The following NOL6 variants were observed in gnomAD, a reference collection of about 807,000 sequenced individuals.
NOL6 encodes nucleolar protein 6, also known as nucleolar RNA-associated protein.
Under a neutral mutation model 131.7 loss-of-function variants are expected in NOL6, and 33 were observed. The ratio of observed to expected loss-of-function variants is 0.25; its 90% CI spans 0.19 to 0.33. NOL6 has a LOEUF of 0.33. NOL6 is among the 10% of genes least tolerant of loss of function. The pLI, the probability that NOL6 is intolerant of heterozygous loss-of-function variation, is 1.00. For synonymous variants in NOL6, 580 were observed against 605.7 expected (o/e 0.96, Z 0.62); for missense variants, 1,297 against 1,494.5 (o/e 0.87, Z 2.18).
intron 19 of NOL6, 146 bp from the exon 20 acceptor site, chr9:33,465,505 G>T: frequency 1.8e-6 from 2 of 1,136,196 alleles, no homozygotes; most frequent in Non-Finnish European, 2.5e-6. Context: ...GTTGACCCTA[G>T]TGTTATTTCC....
chr9:33,469,984 C>T (rs1226580283), intron 4 of NOL6, 28 bp downstream of exon 4: 1 of 1,526,696 alleles, frequency 6.6e-7, no homozygotes, highest in East Asian at 2.3e-5. Context: ...AGGTGGTGGG[C>T]CTCTATCCCC....
intron 23 of NOL6, 66 bp downstream of exon 23, chr9:33,463,765 T>G (rs1048066347): frequency 5.2e-6 from 8 of 1,539,934 alleles, no homozygotes; most frequent in Non-Finnish European, 6.3e-6. Flanking sequence ...GTGAGATCCC[T>G]GAACGCTGAA....
At position 33,468,805 on chromosome 9, in the gene NOL6, A is replaced by G. The variant is rs139300727; in HGVS notation, c.1094T>C (p.Ile365Thr). The change falls in exon 8 of 26, where the codon ATC becomes ACC. Residue 365 changes from isoleucine to threonine, a missense_variant. Physicochemically the swap from Ile to Thr is moderately conservative, Grantham distance 89. Coordinates refer to ENST00000297990, the MANE Select transcript of NOL6 (RefSeq NM_022917.5). ...CTGGTAGCCACTCATGGTGGTATGG[A>G]TCTTGCGTGTAGACACAAGGAAGAC... is the stretch of plus-strand genomic sequence containing the variant. The part of the protein sequence containing the change: ...LVVFLVSTRK[I>T]HTTMSGYQVL... 2 of 1,614,048 alleles carry G rather than the reference A, an allele frequency of 1.2e-6. No homozygotes were observed. The highest frequency in any genetic ancestry group is 1.7e-6 in the Non-Finnish European group (2 of 1,180,030).
chr9:33,463,352 C>G lies in NOL6; in HGVS notation c.3084G>C (p.Ser1028=), dbSNP rs768420624. 1.2e-6 allele frequency: 2 copies of G among 1,613,934 alleles called. No homozygotes were observed. Among genetic ancestry groups the G allele is most frequent in the Non-Finnish European group, 1.7e-6 (2 of 1,179,954 alleles). Residue 1028 remains serine (S), a synonymous_variant, in exon 24 of 26, where the codon TCG becomes TCC. Coordinates refer to ENST00000297990, the MANE Select transcript of NOL6 (RefSeq NM_022917.5). ...GGCCCCGGCAGAAGGAGGCAGCTGG[C>G]GAGTCCACAGCCTGGCGGTGCCGCG... The part of the protein sequence containing the change: ...HIPRHRQAVD[S]PAASFCRGLL...
rs1447352049 is a variant in NOL6, at chr9:33,463,838, T to C, written c.2987A>G (p.Asp996Gly). 1.2e-6 allele frequency: 2 copies of C among 1,613,852 alleles called. No homozygotes were observed. The highest frequency in any genetic ancestry group is 1.7e-6 in the Non-Finnish European group (2 of 1,179,964). Reference sequence around the variant, plus strand: ...TGCTGGTCAGAAGCTTACCCTGATGTCCCCAGGTCCCCGGGGATCCATGAG... The same window carrying C: ...TGCTGGTCAGAAGCTTACCCTGATGCCCCCAGGTCCCCGGGGATCCATGAG... ...KQLMDPRGPG[D>G]IRTVFRPPLD... Residue 996 changes from aspartate (D) to glycine (G), a missense_variant, in exon 23 of 26, where the codon GAC (aspartate) becomes GGC (glycine). Physicochemically the swap from Asp to Gly is moderately conservative, Grantham distance 94. Transcript: ENST00000297990.
rs2119022159 is a variant in NOL6, at chr9:33,468,064, T to C, written c.1390A>G (p.Lys464Glu). The stretch of plus-strand genomic sequence containing the variant: ...TGGTCAAAAGCCCGGATCATGGGTT[T>C]GGGAGTCATCAACAGCAGGTGGAAC... ...DGFHLLLMTP[K>E]PMIRAFDHVL... Residue 464 changes from lysine to glutamate, a missense_variant, in exon 11 of 26, where the codon AAA becomes GAA. Coordinates refer to ENST00000297990, the MANE Select transcript of NOL6 (RefSeq NM_022917.5). 5.0e-6 allele frequency: 8 copies of C among 1,614,118 alleles called. No homozygotes were observed. The highest frequency in any genetic ancestry group is 6.8e-6 in the Non-Finnish European group (8 of 1,180,014).
chr9:33,467,987 AG>A lies in NOL6; in HGVS notation c.1424+42del. On this transcript the variant is annotated intron_variant, in intron 11 of 25. Coordinates refer to ENST00000297990, the MANE Select transcript of NOL6 (RefSeq NM_022917.5). This position sits in a 1 kb window ranked among gnomAD's most constrained non-coding sequence, Gnocchi z 4.4. ...CTTTGCCCCACCACTGTAGCCCCGA[AG>A]AGACAGGACCCGCCAACATACCCTG... is the stretch of plus-strand genomic sequence containing the variant. 6.2e-7 allele frequency: 1 copy of A among 1,613,690 alleles called. No homozygotes were observed. Among genetic ancestry groups the A allele is most frequent in the Non-Finnish European group, 8.5e-7 (1 of 1,179,772 alleles).
rs756861629 is a variant in NOL6 at position 33,466,934 on chromosome 9, G to A, written c.1928C>T (p.Ala643Val). The A allele has an allele frequency of 6.2e-7, 1 of 1,614,142 alleles. No individual in the cohort carries two copies. Among genetic ancestry groups the A allele is most frequent in the South Asian group, 1.1e-5 (1 of 91,058 alleles). The change falls in exon 15 of 26, where the codon GCA becomes GTA. Residue 643 changes from alanine to valine, a missense_variant. Transcript: ENST00000297990. ...CVHYVGGPLD[A>V]LIQGLKETSS... ...TACCTCTTTCAGGCCTTGGATAAGT[G>A]CATCCAGGGGGCCCCCCACATAGTG... is the stretch of plus-strand genomic sequence containing the variant.
At chr9:33,463,189 C>T in intron 24 of NOL6, 55 bp from the exon 25 acceptor site, 3 of 1,609,482 alleles carry the variant, frequency 1.9e-6, no homozygotes, top group African/African-American at 1.3e-5. Flanking sequence ...AGCTCCTCCA[C>T]AGCCTCAGCT....
intron 1 of NOL6, chr9:33,472,634 C>G (rs1169279771): frequency 6.9e-6 from 4 of 578,290 alleles, no homozygotes; most frequent in Non-Finnish European, 1.2e-5. Context: ...GTCTACCTGA[C>G]ACCACAAGCA....
At position 33,465,378 on chromosome 9, in the gene NOL6, T is replaced by C; in HGVS notation, c.2529-19A>G. 6.4e-7 allele frequency: 1 copy of C among 1,571,482 alleles called. No individual in the cohort carries two copies. Among genetic ancestry groups the C allele is most frequent in the Non-Finnish European group, 8.6e-7 (1 of 1,156,752 alleles). On this transcript the variant is annotated intron_variant, in intron 19 of 25. Transcript: ENST00000297990. ...CTGCAGTCTGCAGAGAGAAGGGGAG[T>C]GTCAGCGAGACTCAGGGCCCCACTG...
rs752613002 is a variant in NOL6, at chr9:33,465,880, C to A, written c.2382G>T (p.Arg794=). The part of the protein sequence containing the change: ...TDVLKDGFVF[R]IRVAYQREPQ... ...GCTCCCGCTGATAGGCCACGCGAATCCGAAACACAAATCCATCCTGTTGGA... is the reference window on the plus strand; with the variant it reads ...GCTCCCGCTGATAGGCCACGCGAATACGAAACACAAATCCATCCTGTTGGA... The change falls in exon 19 of 26, where the codon CGG becomes CGT. Residue 794 remains arginine (R), a synonymous_variant. Coordinates refer to ENST00000297990, the MANE Select transcript of NOL6 (RefSeq NM_022917.5). 3.1e-6 allele frequency: 5 copies of A among 1,613,748 alleles called. No homozygotes were observed. Among genetic ancestry groups the A allele is most frequent in the Non-Finnish European group, 4.2e-6 (5 of 1,179,818 alleles).
At chr9:33,471,552 T>C (rs1419466391) in intron 3 of NOL6, among the ~76,000 whole-genome samples, 1 of 152,204 alleles carries the variant, frequency 6.6e-6, no homozygotes, top group African/African-American at 2.4e-5. Context: ...GATATCTATA[T>C]AGCTGACTCA....
Position 33,461,417 on chromosome 9 carries a change from T to G in NOL6, c.*1247A>C, listed in dbSNP as rs1827092254. 1 of 152,170 alleles carries G rather than the reference T, an allele frequency of 6.6e-6. No homozygotes were observed. Among genetic ancestry groups the G allele is most frequent in the Admixed American group, 6.5e-5 (1 of 15,270 alleles). The allele number at this position is 152,170 out of a possible 1,614,324, so 9.4% of individuals were successfully genotyped here. ...TACAAGAAACCAGGTTAAAATTATG[T>G]GAAAGGGGCAGACAGGCCAGGAATA... is the stretch of plus-strand genomic sequence containing the variant. On this transcript the variant is annotated 3_prime_UTR_variant, in exon 26 of 26. Coordinates refer to ENST00000297990, the MANE Select transcript of NOL6 (RefSeq NM_022917.5).
In NOL6 at chr9:33,464,078, G is replaced by A. The variant is rs141680920; in HGVS notation, c.2863C>T (p.Arg955Cys). The A allele has an allele frequency of 4.6e-5, 74 of 1,613,540 alleles. No homozygotes were observed. Among genetic ancestry groups the A allele is most frequent in the South Asian group, 1.9e-4 (17 of 91,020 alleles). ...TCCTGTGTCCACACAGAGTTTTTGC[G>A]GTCTTGGGGGGTAACAATGACCATG... ...PVMVIVTPQD[R>C]KNSVWTQDGP... Residue 955 changes from arginine to cysteine, a missense_variant, in exon 22 of 26, where the codon CGC becomes TGC. Physicochemically the swap from Arg to Cys is radical, Grantham distance 180 (BLOSUM62 -3). Transcript: ENST00000297990.
chr9:33,469,539 A>G lies in NOL6; in HGVS notation c.687T>C (p.Asn229=). Residue 229 remains asparagine (N), a synonymous_variant, in exon 5 of 26, where the codon AAT becomes AAC. Coordinates refer to ENST00000297990, the MANE Select transcript of NOL6 (RefSeq NM_022917.5). ...ACAGTGAGGGTTTCAGGTGGCAGCC[A>G]TTTGTGTAGGAGAAGCAAACACTGC... ...LFGSVCFSYT[N]GCHLKPSLLL... is the part of the protein sequence containing the mutation. 1 of 1,610,342 alleles carries G rather than the reference A, an allele frequency of 6.2e-7. No homozygotes were observed. Among genetic ancestry groups the G allele is most frequent in the East Asian group, 2.2e-5 (1 of 44,840 alleles).
At chr9:33,470,490 A>C (rs1270966042) in intron 3 of NOL6, 1 of 181,080 alleles carries the variant, frequency 5.5e-6, no homozygotes, top group African/African-American at 2.4e-5. Context: ...CAGAAGATCG[A>C]GACCATCCTG....
In NOL6 at chr9:33,461,848, C is replaced by T; in HGVS notation, c.*816G>A. On this transcript the variant is annotated 3_prime_UTR_variant, in exon 26 of 26. Transcript: ENST00000297990. ...AGGAGGCAGCATTCTCCTCCTTGGG[C>T]CCTGGGAGCTCCTGGGGAGTAAGAC... The T allele has an allele frequency of 3.2e-6, 1 of 308,244 alleles. No homozygotes were observed. The highest frequency in any genetic ancestry group is 6.1e-6 in the Non-Finnish European group (1 of 162,858). 19.1% of individuals were successfully genotyped at this position (308,244 alleles called of 1,614,324 possible).
chr9:33,465,709 G>A (rs199558182), intron 19 of NOL6, 25 bp downstream of exon 19: 96 of 1,604,318 alleles, frequency 6.0e-5, no homozygotes, highest in Non-Finnish European at 7.6e-5. Flanking sequence ...CTACAGACAG[G>A]AAGAAGCTGT....
Sources: allele counts gnomAD v4.1 joint callset (sites outside exome capture counted in the v4.1 genomes callset), GRCh38; gene constraint gnomAD v4.1.1; non-coding constraint Gnocchi (gnomAD v3.1); transcripts MANE v1.5; gene names NCBI Gene and HGNC (gene_info 2026-07-23, HGNC 2026-07-21).